The following CYP2C18 variants were observed in gnomAD, a reference collection of about 807,000 sequenced individuals.
CYP2C18 encodes the protein cytochrome P450 2C18.
In CYP2C18, 38 loss-of-function variants were observed where a neutral mutation model predicts 41.3. The observed-to-expected ratio is 0.92, with a 90% confidence interval of 0.71 to 1.21. The LOEUF (loss-of-function observed/expected upper bound fraction) is 1.21. Among genes scored for constraint, CYP2C18 ranks in the 50% most tolerant of loss-of-function variants. The probability of loss-of-function intolerance (pLI) is 0.00; values close to 1 mark genes in which losing one functional copy is unlikely to be tolerated. For missense variants in CYP2C18, 635 were observed against 591.4 expected (o/e 1.07, Z -0.77); for synonymous variants, 236 against 210.0 (o/e 1.12, Z -1.07).
chr10:94,686,884 T>C (rs1174023236), intron 1 of CYP2C18, among the ~76,000 whole-genome samples: 3 of 152,176 alleles, frequency 2.0e-5, no homozygotes, highest in African/African-American at 7.2e-5. Context: ...AGTGGAAGTG[T>C]TTTGTGATTA....
chr10:94,724,644 TG>T (rs1270642898), intron 7 of CYP2C18, 111 bp downstream of exon 7: 6 of 1,069,836 alleles, frequency 5.6e-6, no homozygotes, highest in Non-Finnish European at 2.8e-6. Flanking sequence ...AATTCATACG[TG>T]GGGCAGCTTT....
chr10:94,696,036 T>C, intron 4 of CYP2C18, among the ~76,000 whole-genome samples: 1 of 152,180 alleles, frequency 6.6e-6, no homozygotes. Flanking sequence ...TGCCTGCCTC[T>C]GTAGACTCCA....
intron 5 of CYP2C18, among the ~76,000 whole-genome samples, chr10:94,712,712 C>T (rs753375733): frequency 3.3e-5 from 5 of 152,030 alleles, no homozygotes; most frequent in Admixed American, 6.6e-5. Context: ...GCCCATAAGC[C>T]GAATCACTGG....
At chr10:94,703,610 G>A (rs1402932888) in intron 4 of CYP2C18, among the ~76,000 whole-genome samples, 4 of 152,108 alleles carry the variant, frequency 2.6e-5, no homozygotes, top group African/African-American at 4.8e-5. Context: ...ATCCGAGGTC[G>A]ACTTCAGACT....
chr10:94,733,240 C>A, intron 7 of CYP2C18, 57 bp from the exon 8 acceptor site: 1 of 1,537,438 alleles, frequency 6.5e-7, no homozygotes, highest in Non-Finnish European at 8.9e-7. Flanking sequence ...ATTTCCATCA[C>A]TTCTTCCCAC....
At chr10:94,700,497 G>A (rs1422833371) in intron 4 of CYP2C18, among the ~76,000 whole-genome samples, 1 of 152,124 alleles carries the variant, frequency 6.6e-6, no homozygotes, top group African/African-American at 2.4e-5. Context: ...ATACTTAAAT[G>A]TTAGACCTAA....
At chr10:94,717,679 G>C (rs576817428) in intron 5 of CYP2C18, among the ~76,000 whole-genome samples, 60 of 152,080 alleles carry the variant, frequency 3.9e-4, no homozygotes, top group African/African-American at 1.3e-3. Context: ...TTAGCATTTG[G>C]ATATCCAGTT....
At chr10:94,690,827 T>C (rs1174792629) in intron 3 of CYP2C18, among the ~76,000 whole-genome samples, 1 of 152,188 alleles carries the variant, frequency 6.6e-6, no homozygotes, top group Non-Finnish European at 1.5e-5. Flanking sequence ...TTATCCACCA[T>C]AATCAAGTAG....
At chr10:94,729,323 C>T (rs955460960) in intron 7 of CYP2C18, among the ~76,000 whole-genome samples, 1 of 152,054 alleles carries the variant, frequency 6.6e-6, no homozygotes, top group Non-Finnish European at 1.5e-5. Flanking sequence ...TTTAAAATAC[C>T]TGGCCACAGG....
chr10:94,694,708 CATT>C (rs1315611878), intron 3 of CYP2C18, among the ~76,000 whole-genome samples: 1 of 152,004 alleles, frequency 6.6e-6, no homozygotes, highest in Non-Finnish European at 1.5e-5. Context: ...TTTGGAAAAC[CATT>C]ATTAAACAAG....
rs1171829001 is a variant in CYP2C18, at chr10:94,733,295, A to G, written c.1150-2A>G. On this transcript the variant is annotated splice_acceptor_variant, in intron 7 of 8. Coordinates refer to ENST00000285979, the MANE Select transcript of CYP2C18 (RefSeq NM_000772.3). LOFTEE classifies it high-confidence loss of function. ...TTAGTTTGTCTGTTTTGCTATTTTC[A>G]GGGCACGACCATAATAACATCCCTG... The G allele has an allele frequency of 1.2e-6, 2 of 1,610,682 alleles. No homozygotes were observed. The highest frequency in any genetic ancestry group is 1.7e-6 in the Non-Finnish European group (2 of 1,178,532).
At chr10:94,697,805 A>T (rs1847149540) in intron 4 of CYP2C18, among the ~76,000 whole-genome samples, 1 of 152,222 alleles carries the variant, frequency 6.6e-6, no homozygotes, top group African/African-American at 2.4e-5. Context: ...GCAAATGGAA[A>T]ACAAGGAAAG....
At chr10:94,731,453 C>T (rs117505194) in intron 7 of CYP2C18, among the ~76,000 whole-genome samples, 2 of 151,684 alleles carry the variant, frequency 1.3e-5, no homozygotes, top group African/African-American at 2.4e-5. Flanking sequence ...TATTCCTATC[C>T]GACTACCAGT....
chr10:94,713,101 GT>G (rs1847468510), intron 5 of CYP2C18, among the ~76,000 whole-genome samples: 1 of 151,816 alleles, frequency 6.6e-6, no homozygotes, highest in East Asian at 1.9e-4. Flanking sequence ...TGTGTATATA[GT>G]TTTTAATTTT....
intron 5 of CYP2C18, among the ~76,000 whole-genome samples, chr10:94,714,496 G>A (rs1236768986): frequency 1.3e-5 from 2 of 152,042 alleles, no homozygotes; most frequent in East Asian, 1.9e-4. Flanking sequence ...GTAGATGTGC[G>A]GTATTATTTC....
intron 4 of CYP2C18, among the ~76,000 whole-genome samples, chr10:94,700,684 G>A (rs1166599416): frequency 2.0e-5 from 3 of 152,128 alleles, no homozygotes; most frequent in Non-Finnish European, 2.9e-5. Context: ...GAGTGAACAG[G>A]CAACCTACAG....
chr10:94,721,108 G>T (rs1450099438), intron 6 of CYP2C18, among the ~76,000 whole-genome samples: 1 of 151,816 alleles, frequency 6.6e-6, no homozygotes, highest in East Asian at 1.9e-4. Context: ...CCGCCTCCCG[G>T]GTTCAAGTGA....
intron 3 of CYP2C18, 101 bp downstream of exon 3, chr10:94,688,375 T>TAACAA: frequency 7.5e-7 from 1 of 1,339,512 alleles, no homozygotes; most frequent in Non-Finnish European, 1.0e-6. Flanking sequence ...GGGGTACATG[T>TAACAA]AATATTTTGT....
intron 7 of CYP2C18, among the ~76,000 whole-genome samples, chr10:94,729,726 C>T (rs926629791): frequency 2.6e-5 from 4 of 152,064 alleles, no homozygotes; most frequent in African/African-American, 9.7e-5. Context: ...GAAAGGAACA[C>T]CAGCATGACC....
Sources: allele counts gnomAD v4.1 joint callset (sites outside exome capture counted in the v4.1 genomes callset), GRCh38; gene constraint gnomAD v4.1.1; transcripts MANE v1.5; gene names NCBI Gene and HGNC (gene_info 2026-07-23, HGNC 2026-07-21).